CHLSN: variants seen among roughly 807,000 people sequenced by gnomAD.
CHLSN encodes protein cholesin.
At chr7:1,002,746 G>A in the CHLSN span, among the ~76,000 whole-genome samples, 2 of 106,922 alleles carry the variant, frequency 1.9e-5, no homozygotes, top group Non-Finnish European at 3.8e-5. Flanking sequence ...CCTGTGGGTG[G>A]GGAGTCCTGT....
At chr7:1,135,387 C>T in the CHLSN span, among the ~76,000 whole-genome samples, 4 of 151,744 alleles carry the variant, frequency 2.6e-5, no homozygotes, top group Non-Finnish European at 5.9e-5. Flanking sequence ...ATATGTGTAC[C>T]TAGACATATA....
chr7:1,008,980 C>T, the CHLSN span, among the ~76,000 whole-genome samples: 1 of 145,194 alleles, frequency 6.9e-6, no homozygotes, highest in Non-Finnish European at 1.5e-5. Context: ...TGCACACACA[C>T]CCATGCGAAC....
the CHLSN span, among the ~76,000 whole-genome samples, chr7:1,035,803 A>C: frequency 6.6e-6 from 1 of 152,176 alleles, no homozygotes; most frequent in Non-Finnish European, 1.5e-5. Flanking sequence ...ACCCACATGA[A>C]CTCAAAATTT....
At chr7:1,118,222 T>C in the CHLSN span, among the ~76,000 whole-genome samples, 1 of 152,238 alleles carries the variant, frequency 6.6e-6, no homozygotes, top group Non-Finnish European at 1.5e-5. Context: ...TGATCACCTC[T>C]ATCATACAAC....
chr7:1,028,421 G>A, the CHLSN span: 2 of 985,936 alleles, frequency 2.0e-6, 1 homozygote, highest in South Asian at 9.3e-5. Context: ...CGGCTGGACC[G>A]TGACGCCAGC....
At chr7:1,101,805 A>G in the CHLSN span, among the ~76,000 whole-genome samples, 2 of 152,260 alleles carry the variant, frequency 1.3e-5, no homozygotes, top group African/African-American at 4.8e-5. Context: ...CAGCTGCCCC[A>G]GGCAATCACA....
At chr7:1,090,986 A>G in the CHLSN span, among the ~76,000 whole-genome samples, 1 of 152,178 alleles carries the variant, frequency 6.6e-6, no homozygotes, top group South Asian at 2.1e-4. Context: ...TCTCTCTCAG[A>G]AACACTGGCT....
the CHLSN span, among the ~76,000 whole-genome samples, chr7:1,006,098 C>T: frequency 1.3e-5 from 2 of 152,238 alleles, no homozygotes; most frequent in Non-Finnish European, 2.9e-5. Flanking sequence ...CCGCTGACAG[C>T]CGTGTGCCTC....
At chr7:1,000,903 C>T in the CHLSN span, among the ~76,000 whole-genome samples, 69 of 152,276 alleles carry the variant, frequency 4.5e-4, no homozygotes, top group East Asian at 0.011. Flanking sequence ...GGAAAGGGAG[C>T]GATGTAATTG....
the CHLSN span, among the ~76,000 whole-genome samples, chr7:994,465 C>T: frequency 5.9e-5 from 9 of 151,862 alleles, no homozygotes; most frequent in African/African-American, 9.7e-5. Context: ...TTAGTGCTCA[C>T]CGCACTAAAT....
the CHLSN span, among the ~76,000 whole-genome samples, chr7:1,049,591 G>A: frequency 1.3e-5 from 2 of 152,126 alleles, no homozygotes; most frequent in Admixed American, 1.3e-4. Context: ...TTCTTACAGC[G>A]CTTTATGTCA....
chr7:1,065,983 G>A, the CHLSN span, among the ~76,000 whole-genome samples: 1 of 152,246 alleles, frequency 6.6e-6, no homozygotes, highest in African/African-American at 2.4e-5. Context: ...CCCACCAGGA[G>A]AGCAGGGGCC....
the CHLSN span, among the ~76,000 whole-genome samples, chr7:1,096,957 G>A: frequency 1.2e-4 from 19 of 152,098 alleles, no homozygotes; most frequent in African/African-American, 3.4e-4. The surrounding 1 kb of genome is among the most constrained non-coding windows in gnomAD (Gnocchi z 4.6). Flanking sequence ...TTCCAAAGCC[G>A]TCCTAGACAC....
chr7:1,131,309 G>C, the CHLSN span, among the ~76,000 whole-genome samples: 1 of 152,120 alleles, frequency 6.6e-6, no homozygotes, highest in Admixed American at 6.5e-5. Flanking sequence ...CTAGGGCCCA[G>C]GTGTGGTCTA....
the CHLSN span, among the ~76,000 whole-genome samples, chr7:1,053,173 G>A: frequency 1.3e-5 from 2 of 152,218 alleles, no homozygotes; most frequent in Non-Finnish European, 2.9e-5. Flanking sequence ...AGAGGCAAGC[G>A]GGAGACCACG....
At chr7:1,122,611 G>C in the CHLSN span, among the ~76,000 whole-genome samples, 1 of 152,184 alleles carries the variant, frequency 6.6e-6, no homozygotes, top group Non-Finnish European at 1.5e-5. Flanking sequence ...AGGGATGCTG[G>C]GCAGCAGGCC....
the CHLSN span, among the ~76,000 whole-genome samples, chr7:1,095,566 C>T: frequency 6.4e-3 from 981 of 152,302 alleles, 13 homozygotes; most frequent in African/African-American, 0.022. Context: ...CTTTAAAATA[C>T]GCAGACGAGA....
chr7:991,073 T>C, the CHLSN span, among the ~76,000 whole-genome samples: 1 of 150,512 alleles, frequency 6.6e-6, no homozygotes, highest in African/African-American at 2.4e-5. Context: ...CCGCCTTACA[T>C]TGGCCTGGGG....
chr7:1,093,240 C>T, the CHLSN span: 861 of 477,876 alleles, frequency 1.8e-3, 4 homozygotes, highest in African/African-American at 0.015. Flanking sequence ...GTGGGTGAAG[C>T]GCCTCAGTTA....
Sources: allele counts gnomAD v4.1 joint callset (sites outside exome capture counted in the v4.1 genomes callset), GRCh38; gene constraint gnomAD v4.1.1; non-coding constraint Gnocchi (gnomAD v3.1); transcripts MANE v1.5; gene names NCBI Gene and HGNC (gene_info 2026-07-23, HGNC 2026-07-21).